The following PRDX3 variants were observed in gnomAD, a reference collection of about 807,000 sequenced individuals.
PRDX3 encodes the protein peroxiredoxin 3.
Under a neutral mutation model 30.4 loss-of-function variants are expected in PRDX3, and 20 were observed. The ratio of observed to expected loss-of-function variants is 0.66; its 90% CI spans 0.46 to 0.96. The LOEUF is 0.96. Ranked by LOEUF, PRDX3 falls within the 40% of genes least tolerant of loss-of-function variation. The pLI, the probability that PRDX3 is intolerant of heterozygous loss-of-function variation, is 0.00. For missense variants in PRDX3, 322 were observed against 318.3 expected (o/e 1.01, Z -0.09); for synonymous variants, 124 against 117.8 (o/e 1.05, Z -0.34).
chr10:119,169,982 GTT>G (rs1847867139), intron 5 of PRDX3: 2 of 152,264 alleles, frequency 1.3e-5, no homozygotes, highest in Admixed American at 6.5e-5. Flanking sequence ...TAGCCTAGAA[GTT>G]TTTTTGGTTG....
intron 2 of PRDX3, among the ~76,000 whole-genome samples, chr10:119,176,673 C>A (rs1235159515): frequency 2.6e-5 from 4 of 152,216 alleles, no homozygotes; most frequent in Non-Finnish European, 5.9e-5. Flanking sequence ...CCCCCACAGG[C>A]TGCCCACCAC....
In PRDX3 at chr10:119,177,153, C is replaced by G. The variant is rs781055175; in HGVS notation, c.37G>C (p.Val13Leu). The G allele has an allele frequency of 1.2e-6, 2 of 1,612,834 alleles. No individual in the cohort carries two copies. The highest frequency in any genetic ancestry group is 1.3e-5 in the African/African-American group (1 of 75,002). ...AAVGRLLRAS[V>L]ARHVSAIPWG... ...GGAATGGCACTCACATGTCGGGCAA[C>G]CTGGAAAGAGAAACTTTTTATTAGA... Residue 13 changes from valine (V) to leucine (L), a missense_variant and splice_region_variant, in exon 2 of 7, where the codon GTT becomes CTT. Coordinates refer to ENST00000298510, the MANE Select transcript of PRDX3 (RefSeq NM_006793.5).
intron 5 of PRDX3, among the ~76,000 whole-genome samples, chr10:119,171,765 G>A (rs993927954): frequency 2.0e-5 from 3 of 152,096 alleles, no homozygotes; most frequent in African/African-American, 4.8e-5. Flanking sequence ...CAAATCAGTT[G>A]CCCAAAGTCA....
At chr10:119,174,354 T>C in intron 3 of PRDX3, 97 bp downstream of exon 3, 1 of 1,388,418 alleles carries the variant, frequency 7.2e-7, no homozygotes, top group Non-Finnish European at 9.8e-7. Context: ...GAATCCTTCC[T>C]TTCACAAGGG....
chr10:119,178,112 C>T (rs749554525), intron 1 of PRDX3, among the ~76,000 whole-genome samples: 3 of 152,018 alleles, frequency 2.0e-5, no homozygotes, highest in Non-Finnish European at 4.4e-5. Context: ...ATCTGCCCGC[C>T]TCGGCCTCCC....
chr10:119,178,033 A>ATTTTT (rs902039137), intron 1 of PRDX3, among the ~76,000 whole-genome samples: 24 of 144,736 alleles, frequency 1.7e-4, no homozygotes, highest in Non-Finnish European at 3.2e-4. Flanking sequence ...ATGCCCGGCT[A>ATTTTT]TTTTTTTTTT....
Position 119,178,754 on chromosome 10 carries a change from C to T in PRDX3, c.36+1G>A. On this transcript the variant is annotated splice_donor_variant, in intron 1 of 6. Coordinates refer to ENST00000298510, the MANE Select transcript of PRDX3 (RefSeq NM_006793.5). LOFTEE classifies it high-confidence loss of function. ...CCTGTCCCCAGCCGACAGCCACTCA[C>T]CGACGCTCGGAGCAACCGTCCTACA... 2.6e-6 allele frequency: 4 copies of T among 1,552,136 alleles called. No homozygotes were observed. Among genetic ancestry groups the T allele is most frequent in the Non-Finnish European group, 3.5e-6 (4 of 1,147,746 alleles).
intron 3 of PRDX3, 26 bp downstream of exon 3, chr10:119,174,425 G>T: frequency 6.3e-7 from 1 of 1,583,950 alleles, no homozygotes; most frequent in East Asian, 2.2e-5. Context: ...AGAATGACAC[G>T]AAAGCATCAT....
At chr10:119,177,422 G>T (rs986418723) in intron 1 of PRDX3, among the ~76,000 whole-genome samples, 14 of 152,128 alleles carry the variant, frequency 9.2e-5, no homozygotes, top group African/African-American at 3.4e-4. Flanking sequence ...CACTTTGGGA[G>T]GCCAAGACGG....
intron 2 of PRDX3, chr10:119,174,892 A>T: frequency 4.0e-6 from 1 of 252,458 alleles, no homozygotes; most frequent in Non-Finnish European, 7.5e-6. Context: ...ACCTAATACG[A>T]CGTAAATGCT....
Position 119,175,644 on chromosome 10 carries a change from C to T in PRDX3, c.170-1052G>A, listed in dbSNP as rs367900565. Among the ~76,000 whole-genome samples the T allele has an allele frequency of 7.2e-5, 11 of 152,232 alleles. No individual in the cohort carries two copies. In the East Asian group the frequency reaches 1.9e-3, roughly 27 times the overall value. Reference sequence around the variant, plus strand: ...TCTCCTGACCTCGTGATCTGCCAGCCTCGGCCTCCCAAAGTGCTGGGATTA... The same window carrying T: ...TCTCCTGACCTCGTGATCTGCCAGCTTCGGCCTCCCAAAGTGCTGGGATTA... On this transcript the variant is annotated intron_variant, in intron 2 of 6. Transcript: ENST00000298510.
chr10:119,167,883 AAAT>A lies in PRDX3; in HGVS notation c.*594_*596del, dbSNP rs774265232. ...CATAGACAAAGTTAGCTAATGAATAAAATAAGTAAAATGACTACATAAACTCAA... is the reference window on the plus strand; with the variant it reads ...CATAGACAAAGTTAGCTAATGAATAAAAGTAAAATGACTACATAAACTCAA... On this transcript the variant is annotated 3_prime_UTR_variant, in exon 7 of 7. Transcript: ENST00000298510. 2.0e-5 allele frequency: 3 copies of A among 152,290 alleles called. No homozygotes were observed. Among genetic ancestry groups the A allele is most frequent in the Non-Finnish European group, 4.4e-5 (3 of 68,072 alleles). 9.4% of individuals were successfully genotyped at this position (152,290 alleles called of 1,614,324 possible).
chr10:119,174,609 ACTCATATGGAGT>A lies in PRDX3; in HGVS notation c.170-29_170-18del. On this transcript the variant is annotated intron_variant, in intron 2 of 6. Transcript: ENST00000298510. ...ATGAGGAACCTGAAAAAAAACCCAC[ACTCATATGGAGT>A]TCATCATTTGCTATGTCAAGCACCT... The A allele has an allele frequency of 6.4e-7, 1 of 1,565,930 alleles. No individual in the cohort carries two copies. Among genetic ancestry groups the A allele is most frequent in the Non-Finnish European group, 8.6e-7 (1 of 1,162,738 alleles).
At chr10:119,173,475 G>C (rs1263077529) in intron 4 of PRDX3, among the ~76,000 whole-genome samples, 4 of 152,034 alleles carry the variant, frequency 2.6e-5, no homozygotes, top group Admixed American at 6.6e-5. Flanking sequence ...CAGGGGTGGT[G>C]ACACATGCCT....
At chr10:119,178,332 G>C (rs543222229) in intron 1 of PRDX3, among the ~76,000 whole-genome samples, 8 of 152,208 alleles carry the variant, frequency 5.3e-5, no homozygotes. Context: ...GCCTTTGTGA[G>C]TTTTTTAGCA....
In PRDX3 at chr10:119,168,548, G is replaced by A; in HGVS notation, c.718-15C>T. On this transcript the variant is annotated splice_polypyrimidine_tract_variant and intron_variant, in intron 6 of 6. Transcript: ENST00000298510. ...CTTGGCTTGATCTGAAAATACAAAA[G>A]CTTAATTAGGTAACTGTGACTTTAC... 1 of 1,613,028 alleles carries A rather than the reference G, an allele frequency of 6.2e-7. No individual in the cohort carries two copies. The highest frequency in any genetic ancestry group is 8.5e-7 in the Non-Finnish European group (1 of 1,179,816).
At chr10:119,174,096 AG>A (rs1190864423) in intron 3 of PRDX3, among the ~76,000 whole-genome samples, 5 of 152,228 alleles carry the variant, frequency 3.3e-5, no homozygotes, top group African/African-American at 1.2e-4. Flanking sequence ...ACATATTTTA[AG>A]AAAAAAAAAT....
At chr10:119,173,898 AT>A in intron 3 of PRDX3, 26 bp from the exon 4 acceptor site, 1 of 1,584,906 alleles carries the variant, frequency 6.3e-7, no homozygotes, top group Non-Finnish European at 8.6e-7. Flanking sequence ...AGAAATTCTC[AT>A]TAGAGCATTT....
At chr10:119,174,326 G>T in intron 3 of PRDX3, 125 bp downstream of exon 3, 2 of 1,208,594 alleles carry the variant, frequency 1.7e-6, no homozygotes, top group Non-Finnish European at 2.3e-6. Context: ...AAGGCCATCA[G>T]TGATAAAGGG....
Sources: gnomAD v4.1 joint callset for allele counts (sites outside exome capture counted in the v4.1 genomes callset) on GRCh38, gnomAD v4.1.1 for gene constraint, MANE v1.5 for transcripts, NCBI Gene and HGNC (gene_info 2026-07-23, HGNC 2026-07-21) for gene names.